The following DIP2A variants were observed in gnomAD, a reference collection of about 807,000 sequenced individuals.
DIP2A encodes the protein disco-interacting protein 2 homolog A.
A neutral mutation model predicts 177.4 loss-of-function variants in DIP2A; 85 were observed. The observed-to-expected ratio is 0.48, with a 90% CI of 0.40 to 0.57. The LOEUF (loss-of-function observed/expected upper bound fraction) is 0.57. Among genes scored for constraint, DIP2A ranks in the 20% least tolerant of loss-of-function variants. The probability of loss-of-function intolerance (pLI) is 0.00; values close to 1 mark genes in which losing one functional copy is unlikely to be tolerated. For synonymous variants in DIP2A, 886 were observed against 881.8 expected, an observed-to-expected ratio of 1.00 and a Z score of -0.08; for missense variants, 1,791 against 2,100.2, an observed-to-expected ratio of 0.85 and a Z score of 2.88.
intron 1 of DIP2A, among the ~76,000 whole-genome samples, chr21:46,480,365 C>T (rs557300439): frequency 1.3e-5 from 2 of 152,252 alleles, no homozygotes; most frequent in South Asian, 4.1e-4. Flanking sequence ...AAAAACCTGC[C>T]CCCGTGATTC....
chr21:46,478,571 C>A (rs753321026), intron 1 of DIP2A, among the ~76,000 whole-genome samples: 2 of 152,166 alleles, frequency 1.3e-5, no homozygotes, highest in Non-Finnish European at 2.9e-5. Flanking sequence ...AATTACACTT[C>A]ACAGTATTGA....
At chr21:46,513,557 G>A (rs985584437) in intron 8 of DIP2A, among the ~76,000 whole-genome samples, 4 of 152,076 alleles carry the variant, frequency 2.6e-5, no homozygotes, top group Admixed American at 2.6e-4. Flanking sequence ...TTGGCTCTTT[G>A]TATTTCCAAG....
intron 1 of DIP2A, among the ~76,000 whole-genome samples, chr21:46,464,092 A>G (rs547673638): frequency 3.1e-4 from 47 of 151,920 alleles, no homozygotes; most frequent in African/African-American, 1.1e-3. Context: ...ATTTTGTGGT[A>G]TATAAAAGTT....
rs1247255425 is a variant in DIP2A at position 46,564,336 on chromosome 21, C to A, written c.4164+404C>A. On this transcript the variant is annotated intron_variant, in intron 35 of 37. Coordinates refer to ENST00000417564, the MANE Select transcript of DIP2A (RefSeq NM_015151.4). ...TAGGGAACTCTGCACCAGAAGAGTT[C>A]AGGGCCTCCACCTGCAGCTGGGAGG... Among the ~76,000 whole-genome samples the A allele has an allele frequency of 2.6e-5, 4 of 152,326 alleles. No individual in the cohort carries two copies. In the South Asian group the frequency reaches 8.3e-4, roughly 32 times the overall value.
intron 17 of DIP2A, 72 bp downstream of exon 17, chr21:46,540,063 G>GCTGTGC (rs142952810): frequency 0.055 from 70,143 of 1,283,442 alleles, 2,795 homozygotes; most frequent in Non-Finnish European, 0.06. Flanking sequence ...TTATCCTGGA[G>GCTGTGC]CTGTGCCTGT....
chr21:46,534,370 AC>A lies in DIP2A; in HGVS notation c.1540-212del, dbSNP rs535299384. ...ATGAGGGAGCCCATGGCGCACCATT[AC>A]CCTCGGGCACCTGCCCAAGAGGAGC... On this transcript the variant is annotated intron_variant, in intron 12 of 37. Transcript: ENST00000417564. Among the ~76,000 whole-genome samples, 254 of 152,132 alleles carry A rather than the reference AC, an allele frequency of 1.7e-3. 2 individuals carry two copies. Among genetic ancestry groups the A allele is most frequent in the African/African-American group, 5.8e-3 (241 of 41,518 alleles).
chr21:46,554,866 G>GCT lies in DIP2A; in HGVS notation c.3322_3323dup (p.Leu1109CysfsTer20), dbSNP rs1396350105. On this transcript the variant is annotated frameshift_variant, in exon 28 of 38. Transcript: ENST00000417564. LOFTEE classifies it high-confidence loss of function. ...TCCTCACCACGCAGGCTGTCACACG[G>GCT]CTGCTCAGGTCCAAGGAGGCTGCTG... 6.5e-7 allele frequency: 1 copy of GCT among 1,534,624 alleles called. No individual in the cohort carries two copies. Among genetic ancestry groups the GCT allele is most frequent in the Non-Finnish European group, 8.8e-7 (1 of 1,138,024 alleles).
intron 1 of DIP2A, among the ~76,000 whole-genome samples, chr21:46,479,109 A>G (rs954210600): frequency 2.6e-5 from 4 of 152,174 alleles, no homozygotes; most frequent in Admixed American, 1.3e-4. Flanking sequence ...CTGAGTCCCA[A>G]CAAACAACCT....
Position 46,534,610 on chromosome 21 carries a change from C to T in DIP2A, c.1565C>T (p.Thr522Met), listed in dbSNP as rs1047774685. The change falls in exon 13 of 38, where the codon ACG becomes ATG. Residue 522 changes from threonine (T) to methionine (M), a missense_variant. Physicochemically the swap from Thr to Met is moderately conservative, Grantham distance 81 (BLOSUM62 -1). Transcript: ENST00000417564. ...TATAAAACCAGCAAAGAAGGCAGTA[C>T]GGTGGGGGTCACAGTGTCCCACGCA... ...IEYKTSKEGSTVGVTVSHASL... is the reference protein window; with the variant it reads ...IEYKTSKEGSMVGVTVSHASL... 1.4e-5 allele frequency: 23 copies of T among 1,613,274 alleles called. No homozygotes were observed. Among genetic ancestry groups the T allele is most frequent in the African/African-American group, 5.3e-5 (4 of 74,864 alleles).
the DIP2A span, among the ~76,000 whole-genome samples, chr21:46,581,577 T>C: frequency 1.3e-5 from 2 of 152,220 alleles, no homozygotes; most frequent in Non-Finnish European, 2.9e-5. Flanking sequence ...TTTCTCATCT[T>C]TGTGAGCTTG....
rs765558370 is a variant in DIP2A, at chr21:46,567,524, A to G, written c.4618A>G (p.Ile1540Val). ...GGTGGTCATCGTGGACCCAGGGGTG[A>G]TCCCTATCAACTCTCGGGGTGAGAA... is the stretch of plus-strand genomic sequence containing the variant. The part of the protein sequence containing the change: ...GVVVIVDPGV[I>V]PINSRGEKQR... The change falls in exon 38 of 38, where the codon ATC (isoleucine) becomes GTC (valine). Residue 1540 changes from isoleucine to valine, a missense_variant. By Grantham distance (29) the Ile-to-Val change is conservative. Transcript: ENST00000417564. 5.0e-6 allele frequency: 8 copies of G among 1,613,584 alleles called. No individual in the cohort carries two copies. Among genetic ancestry groups the G allele is most frequent in the Non-Finnish European group, 6.8e-6 (8 of 1,179,790 alleles).
In DIP2A at chr21:46,515,973, G is replaced by A. The variant is rs1256098794; in HGVS notation, c.1102+4359G>A. Reference sequence around the variant, plus strand: ...GGCCTGTAGAACTTCCTGTATGTTCGTTATACTGTAGCTTTGCTGGCAACT... The same window carrying A: ...GGCCTGTAGAACTTCCTGTATGTTCATTATACTGTAGCTTTGCTGGCAACT... On this transcript the variant is annotated intron_variant, in intron 8 of 37. Coordinates refer to ENST00000417564, the MANE Select transcript of DIP2A (RefSeq NM_015151.4). Among the ~76,000 whole-genome samples the A allele has an allele frequency of 2.6e-5, 4 of 152,070 alleles. No individual in the cohort carries two copies. In the South Asian group the frequency reaches 6.2e-4, roughly 24 times the overall value.
chr21:46,566,958 T>A (rs1306757997), intron 37 of DIP2A, among the ~76,000 whole-genome samples: 1 of 152,250 alleles, frequency 6.6e-6, no homozygotes, highest in Non-Finnish European at 1.5e-5. Context: ...TGCCTGTGTT[T>A]GGGTTTGGCT....
Position 46,567,705 on chromosome 21 carries a change from C to G in DIP2A, c.*83C>G. 6.7e-7 allele frequency: 1 copy of G among 1,488,094 alleles called. No homozygotes were observed. Among genetic ancestry groups the G allele is most frequent in the Non-Finnish European group, 9.0e-7 (1 of 1,116,390 alleles). The allele number at this position is 1,488,094 out of a possible 1,614,324, so 92.2% of individuals were successfully genotyped here. A position where few individuals can be genotyped will look rare whatever the true frequency, so the allele number is the denominator to read the frequency against. On this transcript the variant is annotated 3_prime_UTR_variant, in exon 38 of 38. Transcript: ENST00000417564. ...ATGTGGGAAGACACCGCAGAGCTCA[C>G]TCACCGGGACTCGCCCTTCCTGTGC... is the stretch of plus-strand genomic sequence containing the variant.
rs1341057886 is a variant in DIP2A, at chr21:46,565,601, G to A, written c.4165-112G>A. The A allele has an allele frequency of 2.0e-5, 22 of 1,123,816 alleles. No individual in the cohort carries two copies. In the Admixed American group the frequency reaches 4.5e-4, roughly 23 times the overall value. The allele number at this position is 1,123,816 out of a possible 1,614,324, so 69.6% of individuals were successfully genotyped here. A position where few individuals can be genotyped will look rare whatever the true frequency, so the allele number is the denominator to read the frequency against. ...AGAGACAATGAATATTATCCGCCCC[G>A]ACTTCGTTCAGTGTTTTCTGGAGCA... On this transcript the variant is annotated intron_variant, in intron 35 of 37. Transcript: ENST00000417564.
chr21:46,540,141 T>C, intron 17 of DIP2A, 150 bp downstream of exon 17: 1 of 646,094 alleles, frequency 1.5e-6, no homozygotes, highest in South Asian at 1.9e-5. Flanking sequence ...TTTTGCCGGC[T>C]TGGGTTTGTG....
In DIP2A at chr21:46,459,065, G is replaced by A. The variant is rs2054031196; in HGVS notation, c.-67G>A. The A allele has an allele frequency of 9.9e-6, 13 of 1,318,444 alleles. No individual in the cohort carries two copies. In the South Asian group the frequency reaches 1.8e-4, roughly 18 times the overall value. The allele number at this position is 1,318,444 out of a possible 1,614,324, so 81.7% of individuals were successfully genotyped here. ...GGCCTGAGGGGAGCTACGTAGCCGAGGTTTGCGCTGCCGCCGCCAGGCCCG... is the reference window on the plus strand; with the variant it reads ...GGCCTGAGGGGAGCTACGTAGCCGAAGTTTGCGCTGCCGCCGCCAGGCCCG... On this transcript the variant is annotated 5_prime_UTR_variant, in exon 1 of 38. Coordinates refer to ENST00000417564, the MANE Select transcript of DIP2A (RefSeq NM_015151.4).
In DIP2A at chr21:46,499,332, A is replaced by G. The variant is rs538584232; in HGVS notation, c.655+499A>G. 5.5e-3 allele frequency among the ~76,000 whole-genome samples: 843 copies of G among 152,304 alleles called. 3 individuals are homozygous for G. Among genetic ancestry groups the G allele is most frequent in the Non-Finnish European group, 8.5e-3 (581 of 68,030 alleles). On this transcript the variant is annotated intron_variant, in intron 5 of 37. Coordinates refer to ENST00000417564, the MANE Select transcript of DIP2A (RefSeq NM_015151.4). ...CCTGCTCTTGAGGGGAAGCTGGTGCATGCAGTAGGTGCAGGGGTAGATGGT... is the reference window on the plus strand; with the variant it reads ...CCTGCTCTTGAGGGGAAGCTGGTGCGTGCAGTAGGTGCAGGGGTAGATGGT...
Position 46,559,260 on chromosome 21 carries a change from C to A in DIP2A, c.3969+867C>A, listed in dbSNP as rs563772089. On this transcript the variant is annotated intron_variant, in intron 32 of 37. Transcript: ENST00000417564. Reference sequence around the variant, plus strand: ...TTTCTTTCTAAAAACATCTTAAAACCAAATGGCTTTTTAGATAACCCTACA... The same window carrying A: ...TTTCTTTCTAAAAACATCTTAAAACAAAATGGCTTTTTAGATAACCCTACA... 2.3e-4 allele frequency among the ~76,000 whole-genome samples: 35 copies of A among 152,246 alleles called. 1 individual carries two copies. The highest frequency in any genetic ancestry group is 2.0e-3 in the Admixed American group (30 of 15,288).
Sources: gnomAD v4.1 joint callset for allele counts (sites outside exome capture counted in the v4.1 genomes callset) on GRCh38, gnomAD v4.1.1 for gene constraint, MANE v1.5 for transcripts, NCBI Gene and HGNC (gene_info 2026-07-23, HGNC 2026-07-21) for gene names.